The following FHIP1A variants were observed in gnomAD, a reference collection of about 807,000 sequenced individuals.
FHIP1A encodes the protein FHF complex subunit HOOK-interacting protein 1A.
Under a neutral mutation model 88.6 loss-of-function variants are expected in FHIP1A, and 61 were observed. The ratio of observed to expected loss-of-function variants is 0.69; its 90% CI spans 0.56 to 0.85. The LOEUF (loss-of-function observed/expected upper bound fraction) is 0.85. FHIP1A is among the 40% of genes least tolerant of loss of function. FHIP1A has a pLI of 0.00. For synonymous variants in FHIP1A, 478 were observed against 496.0 expected, an observed-to-expected ratio of 0.96 and a Z score of 0.48; for missense variants, 1,154 against 1,273.5, an observed-to-expected ratio of 0.91 and a Z score of 1.43.
intron 3 of FHIP1A, among the ~76,000 whole-genome samples, chr4:151,511,315 C>T (rs1016415081): frequency 5.9e-5 from 9 of 152,136 alleles, no homozygotes; most frequent in South Asian, 2.1e-4. Flanking sequence ...CCAAGATGGC[C>T]GAATAGGAAC....
At chr4:151,643,106 A>G (rs918350888) in intron 9 of FHIP1A, among the ~76,000 whole-genome samples, 1 of 152,120 alleles carries the variant, frequency 6.6e-6, no homozygotes, top group African/African-American at 2.4e-5. Context: ...ATAAATACCT[A>G]TACTAAATTC....
At chr4:151,541,398 C>A (rs1732279363) in intron 3 of FHIP1A, among the ~76,000 whole-genome samples, 1 of 152,188 alleles carries the variant, frequency 6.6e-6, no homozygotes, top group Non-Finnish European at 1.5e-5. Flanking sequence ...ACTGCATATA[C>A]ATTTTTACAG....
Position 151,469,358 on chromosome 4 carries a change from A to G in FHIP1A, c.-247-13166A>G, listed in dbSNP as rs78140046. Among the ~76,000 whole-genome samples, 402 of 152,326 alleles carry G rather than the reference A, an allele frequency of 2.6e-3. 1 individual carries two copies. Among genetic ancestry groups the G allele is most frequent in the Non-Finnish European group, 4.7e-3 (320 of 68,018 alleles). On this transcript the variant is annotated intron_variant, in intron 2 of 13. Coordinates refer to ENST00000435205, the MANE Select transcript of FHIP1A (RefSeq NM_001109977.3). The stretch of plus-strand genomic sequence containing the variant: ...TTACTTGTTGCCATCAACAATAGTA[A>G]TGCATTTGGATAGTGCTTTCCAGCT...
chr4:151,540,992 C>T (rs1016933309), intron 3 of FHIP1A, among the ~76,000 whole-genome samples: 1 of 152,184 alleles, frequency 6.6e-6, no homozygotes, highest in Admixed American at 6.5e-5. Context: ...TATCCTCGTG[C>T]TTTTTGAGTA....
At chr4:151,420,556 C>T (rs1296479223) in intron 1 of FHIP1A, among the ~76,000 whole-genome samples, 3 of 152,148 alleles carry the variant, frequency 2.0e-5, no homozygotes, top group African/African-American at 7.2e-5. Flanking sequence ...GCTGTCTTTT[C>T]CTGTAGTAGT....
In FHIP1A at chr4:151,586,729, A is replaced by G; in HGVS notation, c.821A>G (p.Asp274Gly). The G allele has an allele frequency of 6.4e-7, 1 of 1,551,484 alleles. No homozygotes were observed. Among genetic ancestry groups the G allele is most frequent in the Non-Finnish European group, 8.7e-7 (1 of 1,146,816 alleles). Residue 274 changes from aspartate to glycine, a missense_variant, in exon 6 of 14, where the codon GAT (aspartate) becomes GGT (glycine). Coordinates refer to ENST00000435205, the MANE Select transcript of FHIP1A (RefSeq NM_001109977.3). ...GAGGAATGGCACTGCCTTCTGAAAGATGACTGGCTTCTACTTCCTTCTCTT... is the reference window on the plus strand; with the variant it reads ...GAGGAATGGCACTGCCTTCTGAAAGGTGACTGGCTTCTACTTCCTTCTCTT... ...KGEEWHCLLKDDWLLLPSLVQ... is the reference protein window; with the variant it reads ...KGEEWHCLLKGDWLLLPSLVQ...
At chr4:151,532,410 A>C (rs1393709239) in intron 3 of FHIP1A, among the ~76,000 whole-genome samples, 1 of 152,156 alleles carries the variant, frequency 6.6e-6, no homozygotes, top group African/African-American at 2.4e-5. Flanking sequence ...TGCAGTTTTC[A>C]TGGACAAGGT....
intron 9 of FHIP1A, among the ~76,000 whole-genome samples, chr4:151,641,411 T>C (rs1217795225): frequency 6.6e-6 from 1 of 152,266 alleles, no homozygotes; most frequent in Non-Finnish European, 1.5e-5. Context: ...TTTGTGAAAA[T>C]GTTTTGAAAT....
chr4:151,490,415 A>G (rs1456313015), intron 3 of FHIP1A, among the ~76,000 whole-genome samples: 1 of 152,012 alleles, frequency 6.6e-6, no homozygotes, highest in South Asian at 2.1e-4. Context: ...AATAACAATC[A>G]CTGCAGTCTG....
intron 13 of FHIP1A, among the ~76,000 whole-genome samples, chr4:151,660,144 T>G (rs1237905645): frequency 2.0e-5 from 3 of 152,096 alleles, no homozygotes; most frequent in Non-Finnish European, 4.4e-5. Flanking sequence ...AATGGAGAAT[T>G]TGATGGTGCT....
intron 1 of FHIP1A, among the ~76,000 whole-genome samples, chr4:151,449,924 G>C (rs1344629443): frequency 6.6e-6 from 1 of 152,064 alleles, no homozygotes; most frequent in Non-Finnish European, 1.5e-5. Context: ...TTAAATAATA[G>C]ATTTGCATGT....
intron 3 of FHIP1A, among the ~76,000 whole-genome samples, chr4:151,503,581 A>G (rs2126666624): frequency 6.6e-6 from 1 of 152,236 alleles, no homozygotes; most frequent in South Asian, 2.1e-4. Context: ...AAAGTAGGGA[A>G]CAGGGGGAAA....
intron 2 of FHIP1A, among the ~76,000 whole-genome samples, chr4:151,466,806 C>T (rs183052898): frequency 6.6e-6 from 1 of 152,278 alleles, no homozygotes; most frequent in East Asian, 1.9e-4. Flanking sequence ...GGACCCTTTC[C>T]TTACACCTTA....
intron 7 of FHIP1A, among the ~76,000 whole-genome samples, chr4:151,601,760 G>A (rs1213863244): frequency 6.6e-6 from 1 of 151,610 alleles, no homozygotes; most frequent in Non-Finnish European, 1.5e-5. Context: ...GTTTACTACT[G>A]CTGTGTGAAC....
At chr4:151,515,676 T>A (rs1319142802) in intron 3 of FHIP1A, among the ~76,000 whole-genome samples, 1 of 152,004 alleles carries the variant, frequency 6.6e-6, no homozygotes, top group African/African-American at 2.4e-5. Flanking sequence ...GAGAGCCAAA[T>A]CATGAGTGAA....
intron 3 of FHIP1A, among the ~76,000 whole-genome samples, chr4:151,488,872 A>G (rs188271918): frequency 2.0e-5 from 3 of 152,346 alleles, no homozygotes; most frequent in Admixed American, 1.3e-4. Context: ...TACCAATTCT[A>G]CATGCTTCCT....
At chr4:151,596,613 G>A (rs1203477344) in intron 7 of FHIP1A, among the ~76,000 whole-genome samples, 1 of 152,182 alleles carries the variant, frequency 6.6e-6, no homozygotes, top group Non-Finnish European at 1.5e-5. Flanking sequence ...ATCCTGAAGA[G>A]TGTTTTCCAA....
intron 4 of FHIP1A, among the ~76,000 whole-genome samples, chr4:151,570,773 C>T (rs1733571440): frequency 6.6e-6 from 1 of 152,268 alleles, no homozygotes; most frequent in Admixed American, 6.5e-5. Flanking sequence ...GAAAGGCAGT[C>T]AGTATGAAAT....
chr4:151,435,252 C>CT (rs1449722380), intron 1 of FHIP1A, among the ~76,000 whole-genome samples: 1 of 152,114 alleles, frequency 6.6e-6, no homozygotes, highest in Non-Finnish European at 1.5e-5. Context: ...CATTAACCAA[C>CT]TTCTCTTCAT....
Sources: gnomAD v4.1 joint callset for allele counts (sites outside exome capture counted in the v4.1 genomes callset) on GRCh38, gnomAD v4.1.1 for gene constraint, MANE v1.5 for transcripts, NCBI Gene and HGNC (gene_info 2026-07-23, HGNC 2026-07-21) for gene names.